The following PLEKHA6 variants were observed in gnomAD, a reference collection of about 807,000 sequenced individuals.
PLEKHA6 encodes pleckstrin homology domain containing A6, also known as pleckstrin homology domain-containing family A member 6.
In PLEKHA6, 60 loss-of-function variants were observed where a neutral mutation model predicts 116.7. That is an observed-to-expected ratio of 0.51 (90% CI 0.42 to 0.64). PLEKHA6 has a LOEUF of 0.64. Among genes scored for constraint, PLEKHA6 ranks in the 30% least tolerant of loss-of-function variants. The pLI is 0.00. For synonymous variants in PLEKHA6, 489 were observed against 556.1 expected (o/e 0.88, Z 1.70); for missense variants, 1,338 against 1,422.7 (o/e 0.94, Z 0.96).
chr1:204,319,363 C>T (rs1371844752), intron 1 of PLEKHA6, among the ~76,000 whole-genome samples: 1 of 152,214 alleles, frequency 6.6e-6, no homozygotes, highest in Non-Finnish European at 1.5e-5. Context: ...GGGTACAACC[C>T]ATGACTTTTC....
chr1:204,251,377 T>C (rs1309127436), intron 9 of PLEKHA6, among the ~76,000 whole-genome samples: 1 of 151,926 alleles, frequency 6.6e-6, no homozygotes, highest in Non-Finnish European at 1.5e-5. Flanking sequence ...GGAGGTGACA[T>C]AGTGGAATTA....
intron 1 of PLEKHA6, among the ~76,000 whole-genome samples, chr1:204,316,737 A>G (rs1671873690): frequency 6.6e-6 from 1 of 152,254 alleles, no homozygotes; most frequent in African/African-American, 2.4e-5. Flanking sequence ...CAATACAGGT[A>G]TCAAACTTAC....
intron 17 of PLEKHA6, 94 bp from the exon 18 acceptor site, chr1:204,230,680 T>A: frequency 4.4e-6 from 5 of 1,132,090 alleles, no homozygotes; most frequent in Non-Finnish European, 6.2e-6. Flanking sequence ...CTACGGGAAG[T>A]CTGCCTGTAG....
At chr1:204,332,635 C>T (rs891185100) in intron 1 of PLEKHA6, among the ~76,000 whole-genome samples, 1 of 152,228 alleles carries the variant, frequency 6.6e-6, no homozygotes, top group Non-Finnish European at 1.5e-5. Context: ...CCACTTTGGC[C>T]TCCCAAAGTG....
Position 204,223,532 on chromosome 1 carries a change from C to A in PLEKHA6, c.3085G>T (p.Ala1029Ser). The A allele has an allele frequency of 6.5e-7, 1 of 1,533,358 alleles. No homozygotes were observed. The highest frequency in any genetic ancestry group is 8.8e-7 in the Non-Finnish European group (1 of 1,136,438). The allele number at this position is 1,533,358 out of a possible 1,614,324, so 95.0% of individuals were successfully genotyped here. The change falls in exon 22 of 23, where the codon GCA becomes TCA. Residue 1029 changes from alanine to serine, a missense_variant. By Grantham distance (99) the Ala-to-Ser change is moderately conservative. Transcript: ENST00000272203. The surrounding 1 kb of genome is among the most constrained non-coding windows in gnomAD (Gnocchi z 4.8). ...PTSPASPAPP[A>S]NPLSSESPRG... ...GGGGATTCAGACGACAGGGGGTTTG[C>A]TGGAGGAGCCGGGGAAGCAGGGGAG...
intron 15 of PLEKHA6, 39 bp downstream of exon 15, chr1:204,244,825 C>T (rs1376867150): frequency 6.8e-7 from 1 of 1,481,402 alleles, no homozygotes; most frequent in Non-Finnish European, 9.0e-7. Context: ...ATCTGGTCCT[C>T]CCTCCCCCAC....
chr1:204,274,519 C>G, intron 2 of PLEKHA6: 1 of 844,574 alleles, frequency 1.2e-6, no homozygotes, highest in Non-Finnish European at 1.4e-6. Context: ...ACCACCCTGG[C>G]TTTTGCTAGA....
At chr1:204,328,484 C>G (rs1672331181) in intron 1 of PLEKHA6, among the ~76,000 whole-genome samples, 1 of 151,534 alleles carries the variant, frequency 6.6e-6, no homozygotes, top group Admixed American at 6.6e-5. Flanking sequence ...GCAACCTCTG[C>G]CTCTCGGGTT....
At chr1:204,318,812 A>G (rs1671954593) in intron 1 of PLEKHA6, among the ~76,000 whole-genome samples, 1 of 151,944 alleles carries the variant, frequency 6.6e-6, no homozygotes, top group Admixed American at 6.6e-5. Context: ...ATTCTGGAAG[A>G]CTCGGGTTGT....
chr1:204,319,203 C>T (rs1671969346), intron 1 of PLEKHA6, among the ~76,000 whole-genome samples: 1 of 152,152 alleles, frequency 6.6e-6, no homozygotes, highest in Non-Finnish European at 1.5e-5. Context: ...CGTGAGGCGC[C>T]CACAGTCCTT....
At chr1:204,240,620 C>A (rs1662674747) in intron 17 of PLEKHA6, among the ~76,000 whole-genome samples, 1 of 152,094 alleles carries the variant, frequency 6.6e-6, no homozygotes, top group Non-Finnish European at 1.5e-5. Flanking sequence ...TGGTGCATTT[C>A]CTGTTGTACA....
intron 1 of PLEKHA6, chr1:204,301,492 C>A: frequency 3.0e-6 from 3 of 985,308 alleles, no homozygotes; most frequent in Non-Finnish European, 3.6e-6. Context: ...TCCAAACACG[C>A]CACCCAAGTC....
rs1385050696 is a variant in PLEKHA6, at chr1:204,228,911, CT to C, written c.2751+25del. 3.7e-6 allele frequency: 6 copies of C among 1,614,116 alleles called. No individual in the cohort carries two copies. In the East Asian group the frequency reaches 1.3e-4, roughly 36 times the overall value. ...CTCTGTCCCTTCCCAGAGTCTCCCA[CT>C]ACAGCCCTTCCTGGCTCCACTCACC... On this transcript the variant is annotated intron_variant, in intron 19 of 22. Transcript: ENST00000272203. This position sits in a 1 kb window ranked among gnomAD's most constrained non-coding sequence, Gnocchi z 4.0.
At position 204,274,809 on chromosome 1, in the gene PLEKHA6, G is replaced by T; in HGVS notation, c.-94C>A. ...GAAATGTGTTCCGTCTTTCATTGTG[G>T]CTGTAGAGGGAAAAACAGAAGAGTT... On this transcript the variant is annotated splice_region_variant and 5_prime_UTR_variant, in exon 2 of 23. Coordinates refer to ENST00000272203, the MANE Select transcript of PLEKHA6 (RefSeq NM_014935.5). 1 of 985,790 alleles carries T rather than the reference G, an allele frequency of 1.0e-6. No homozygotes were observed. The highest frequency in any genetic ancestry group is 1.2e-6 in the Non-Finnish European group (1 of 829,866). 61.1% of individuals were successfully genotyped at this position (985,790 alleles called of 1,614,324 possible). A position where few individuals can be genotyped will look rare whatever the true frequency, so the allele number is the denominator to read the frequency against.
chr1:204,319,900 C>G (rs563911819), intron 1 of PLEKHA6, among the ~76,000 whole-genome samples: 1 of 152,082 alleles, frequency 6.6e-6, no homozygotes, highest in South Asian at 2.1e-4. Flanking sequence ...TGAGTGGGTA[C>G]CAGGAGCTCA....
chr1:204,315,981 T>C (rs1671842577), intron 1 of PLEKHA6, among the ~76,000 whole-genome samples: 1 of 152,218 alleles, frequency 6.6e-6, no homozygotes, highest in Non-Finnish European at 1.5e-5. Context: ...GTGTTTACTA[T>C]GGACACTGTG....
rs368252181 is a variant in PLEKHA6, at chr1:204,262,414, A to G, written c.382-966T>C. On this transcript the variant is annotated intron_variant, in intron 6 of 22. Coordinates refer to ENST00000272203, the MANE Select transcript of PLEKHA6 (RefSeq NM_014935.5). The stretch of plus-strand genomic sequence containing the variant: ...TGGTGAAATTCAAAGTTCTTAGGCC[A>G]CAAGGAAAAGAGGCCACAGGACTAA... Among the ~76,000 whole-genome samples, 19 of 152,320 alleles carry G rather than the reference A, an allele frequency of 1.2e-4. No individual in the cohort carries two copies. In the East Asian group the frequency reaches 2.3e-3, roughly 19 times the overall value.
chr1:204,354,670 T>G (rs1673368691), intron 1 of PLEKHA6, among the ~76,000 whole-genome samples: 1 of 152,208 alleles, frequency 6.6e-6, no homozygotes, highest in Non-Finnish European at 1.5e-5. Context: ...GGCTACTACT[T>G]GGGTCAGGAT....
At chr1:204,335,794 A>G (rs1672626998) in intron 1 of PLEKHA6, among the ~76,000 whole-genome samples, 2 of 152,098 alleles carry the variant, frequency 1.3e-5, no homozygotes, top group Admixed American at 1.3e-4. Flanking sequence ...GGAGGATGAC[A>G]GTGTCCATGT....
Sources: gnomAD v4.1 joint callset for allele counts (sites outside exome capture counted in the v4.1 genomes callset) on GRCh38, gnomAD v4.1.1 for gene constraint, Gnocchi (gnomAD v3.1) non-coding constraint, MANE v1.5 for transcripts, NCBI Gene and HGNC (gene_info 2026-07-23, HGNC 2026-07-21) for gene names.